CYFIP1: variants seen among roughly 807,000 people sequenced by gnomAD.
The protein encoded by CYFIP1 is cytoplasmic FMR1-interacting protein 1.
A neutral mutation model predicts 163.5 loss-of-function variants in CYFIP1; 58 were observed. The observed-to-expected ratio is 0.35, with a 90% CI of 0.29 to 0.44. The LOEUF (loss-of-function observed/expected upper bound fraction) is 0.44, where lower values mean the gene tolerates loss of function less well. Among genes scored for constraint, CYFIP1 ranks in the 20% least tolerant of loss-of-function variants. The pLI, the probability that CYFIP1 is intolerant of heterozygous loss-of-function variation, is 1.00. For synonymous variants in CYFIP1, 663 were observed against 660.7 expected, an observed-to-expected ratio of 1.00 and a Z score of -0.05; for missense variants, 1,338 against 1,653.8, an observed-to-expected ratio of 0.81 and a Z score of 3.31.
At position 22,868,736 on chromosome 15, in the gene CYFIP1, G is replaced by A. The variant is rs886564129; in HGVS notation, c.*1292C>T. On this transcript the variant is annotated 3_prime_UTR_variant, in exon 31 of 31. Transcript: ENST00000617928. Reference sequence around the variant, plus strand: ...TTCTGGACAGTTTCCAAAGGCCTCCGGAAAAGTAGGCGAGGCCTGCTTTTT... The same window carrying A: ...TTCTGGACAGTTTCCAAAGGCCTCCAGAAAAGTAGGCGAGGCCTGCTTTTT... 3.3e-5 allele frequency: 5 copies of A among 152,158 alleles called. No individual in the cohort carries two copies. Among genetic ancestry groups the A allele is most frequent in the Non-Finnish European group, 7.4e-5 (5 of 68,024 alleles). The allele number at this position is 152,158 out of a possible 1,614,324, so 9.4% of individuals were successfully genotyped here.
intron 1 of CYFIP1, among the ~76,000 whole-genome samples, chr15:22,973,301 G>A (rs897131796): frequency 2.8e-5 from 3 of 106,120 alleles, no homozygotes; most frequent in East Asian, 2.8e-4. Context: ...GTGACAGAAC[G>A]AGACCTTGTC....
intron 1 of CYFIP1, among the ~76,000 whole-genome samples, chr15:22,963,107 T>C (rs2062744561): frequency 6.6e-6 from 1 of 152,200 alleles, no homozygotes; most frequent in Non-Finnish European, 1.5e-5. Context: ...GACACTGATG[T>C]GTCTAGAGGT....
At position 22,918,652 on chromosome 15, in the gene CYFIP1, C is replaced by T. The variant is rs201592295; in HGVS notation, c.1526+40G>A. ...GTTTGAATCCAAGTTCATCCGAGGA[C>T]GTGTGGGCACAGCGGGCACAGGGCG... On this transcript the variant is annotated intron_variant, in intron 14 of 30. Transcript: ENST00000617928. 203 of 1,506,180 alleles carry T rather than the reference C, an allele frequency of 1.3e-4. 1 individual carries two copies. In the Admixed American group the frequency reaches 1.7e-3, roughly 13 times the overall value. 93.3% of individuals were successfully genotyped at this position (1,506,180 alleles called of 1,614,324 possible).
intron 28 of CYFIP1, 99 bp from the exon 29 acceptor site, chr15:22,873,828 G>T: frequency 9.1e-7 from 1 of 1,093,726 alleles, no homozygotes; most frequent in Non-Finnish European, 1.3e-6. Context: ...GTCTTGCTCT[G>T]CTGCCTAGGC....
chr15:22,954,011 G>A (rs1355983516), intron 1 of CYFIP1, among the ~76,000 whole-genome samples: 1 of 152,124 alleles, frequency 6.6e-6, no homozygotes, highest in East Asian at 1.9e-4. Context: ...AGCCAAGATC[G>A]CGCCACTGCA....
At chr15:22,883,548 C>A (rs539387399) in intron 23 of CYFIP1, among the ~76,000 whole-genome samples, 1 of 152,234 alleles carries the variant, frequency 6.6e-6, no homozygotes, top group South Asian at 2.1e-4. Context: ...CCAGGCGCGG[C>A]GACTCACACC....
chr15:22,901,077 T>C (rs1340231278), intron 22 of CYFIP1, among the ~76,000 whole-genome samples: 1 of 151,596 alleles, frequency 6.6e-6, no homozygotes, highest in African/African-American at 2.4e-5. Flanking sequence ...GTGGCATGCA[T>C]CTGTAATCCC....
At chr15:22,934,933 C>T (rs75630427) in intron 9 of CYFIP1, among the ~76,000 whole-genome samples, 2,112 of 152,162 alleles carry the variant, frequency 0.014, 47 homozygotes, top group African/African-American at 0.049. Flanking sequence ...AGTACTACCC[C>T]GAAAATTCTA....
chr15:22,878,656 C>T (rs1323200128), intron 26 of CYFIP1, among the ~76,000 whole-genome samples: 10 of 147,460 alleles, frequency 6.8e-5, no homozygotes, highest in Non-Finnish European at 1.3e-4. Flanking sequence ...CTGAAAGTTC[C>T]ATGTGCAGAT....
At chr15:22,905,662 T>A (rs570712862) in intron 21 of CYFIP1, among the ~76,000 whole-genome samples, 1 of 152,024 alleles carries the variant, frequency 6.6e-6, no homozygotes, top group South Asian at 2.1e-4. Context: ...ATGGTCTCGA[T>A]CTCCTGACCT....
Position 22,875,282 on chromosome 15 carries a change from GAA to G in CYFIP1, c.3043-13_3043-12del, listed in dbSNP as rs1566913461. The G allele has an allele frequency of 5.0e-6, 8 of 1,613,178 alleles. No individual in the cohort carries two copies. Among genetic ancestry groups the G allele is most frequent in the Non-Finnish European group, 5.9e-6 (7 of 1,179,124 alleles). Reference sequence around the variant, plus strand: ...CACTTCTTCTAAAGACTAGAGCAGAGAAAGAGAGGGTCAAGCTAGGAAGGGTA... The same window carrying G: ...CACTTCTTCTAAAGACTAGAGCAGAGAGAGAGGGTCAAGCTAGGAAGGGTA... On this transcript the variant is annotated splice_polypyrimidine_tract_variant and intron_variant, in intron 26 of 30. Coordinates refer to ENST00000617928, the MANE Select transcript of CYFIP1 (RefSeq NM_014608.6).
intron 22 of CYFIP1, among the ~76,000 whole-genome samples, chr15:22,898,178 G>A (rs957223723): frequency 2.0e-5 from 3 of 152,094 alleles, no homozygotes; most frequent in African/African-American, 4.8e-5. Flanking sequence ...TGATCCATAC[G>A]TCCTGTCCAG....
chr15:22,889,974 A>G (rs372901629), intron 23 of CYFIP1, among the ~76,000 whole-genome samples: 2 of 152,222 alleles, frequency 1.3e-5, no homozygotes, highest in South Asian at 2.1e-4. Flanking sequence ...TTAAAGAAAC[A>G]TCCTTTTGAG....
chr15:22,874,710 A>T, intron 27 of CYFIP1, 66 bp from the exon 28 acceptor site: 14 of 1,108,444 alleles, frequency 1.3e-5, no homozygotes, highest in Non-Finnish European at 1.7e-5. Context: ...GCAAAGGTTT[A>T]CATTTGTTTA....
At chr15:22,944,056 T>C (rs941440949) in intron 5 of CYFIP1, among the ~76,000 whole-genome samples, 1 of 151,848 alleles carries the variant, frequency 6.6e-6, no homozygotes, top group African/African-American at 2.4e-5. Context: ...TTGGCCAACA[T>C]GGTGAAACCC....
chr15:22,935,512 A>C (rs1256599362), intron 9 of CYFIP1, among the ~76,000 whole-genome samples: 1 of 152,206 alleles, frequency 6.6e-6, no homozygotes, highest in Non-Finnish European at 1.5e-5. Flanking sequence ...GGATGGCTGC[A>C]AAGATTTATT....
intron 26 of CYFIP1, 115 bp from the exon 27 acceptor site, chr15:22,875,386 ATT>A: frequency 1.1e-6 from 1 of 872,062 alleles, no homozygotes; most frequent in Non-Finnish European, 1.9e-6. Flanking sequence ...CTGTAAGTTT[ATT>A]TTATCTCTGT....
At chr15:22,872,306 AAAAAG>A (rs1328123050) in intron 30 of CYFIP1, among the ~76,000 whole-genome samples, 509 of 151,470 alleles carry the variant, frequency 3.4e-3, no homozygotes, top group Non-Finnish European at 3.9e-3. Flanking sequence ...AAAAAAAAAA[AAAAAG>A]AAAGAAAAAA....
chr15:22,889,741 G>A (rs968747433), intron 23 of CYFIP1, among the ~76,000 whole-genome samples: 2 of 152,054 alleles, frequency 1.3e-5, no homozygotes, highest in African/African-American at 4.8e-5. Context: ...ATCAGGGAGT[G>A]ACAAAAACCT....
Sources: gnomAD v4.1 joint callset for allele counts (sites outside exome capture counted in the v4.1 genomes callset) on GRCh38, gnomAD v4.1.1 for gene constraint, MANE v1.5 for transcripts, NCBI Gene and HGNC (gene_info 2026-07-23, HGNC 2026-07-21) for gene names.